Variants in ACTG2 observed in about 807,000 individuals in gnomAD.
ACTG2 encodes the protein actin, gamma-enteric smooth muscle.
In ACTG2, 16 loss-of-function variants were observed where a neutral mutation model predicts 37.6. The ratio of observed to expected loss-of-function variants is 0.43; its 90% CI spans 0.29 to 0.65. ACTG2 has a LOEUF of 0.65. Among genes scored for constraint, ACTG2 ranks in the 30% least tolerant of loss-of-function variants. The pLI is 0.18. For missense variants in ACTG2, 238 were observed against 490.9 expected (o/e 0.48, Z 4.87); for synonymous variants, 181 against 179.9 (o/e 1.01, Z -0.05).
chr2:73,894,221 C>A (rs1431017495), intron 1 of ACTG2, among the ~76,000 whole-genome samples: 1 of 152,150 alleles, frequency 6.6e-6, no homozygotes, highest in Non-Finnish European at 1.5e-5. Flanking sequence ...GAATTCCTAA[C>A]AAGCTCCCAG....
At chr2:73,904,777 G>GTA (rs199782884) in intron 3 of ACTG2, among the ~76,000 whole-genome samples, 471 of 42,540 alleles carry the variant, frequency 0.011, 7 homozygotes, top group East Asian at 0.064. Context: ...GTGTGTGTGT[G>GTA]TATATATATA....
chr2:73,894,938 T>C (rs1679710122), intron 1 of ACTG2, among the ~76,000 whole-genome samples: 1 of 152,176 alleles, frequency 6.6e-6, no homozygotes, highest in Non-Finnish European at 1.5e-5. Context: ...TTGAAGGGGC[T>C]GCTTTGGCAG....
chr2:73,914,987 C>A, intron 7 of ACTG2, 116 bp downstream of exon 7: 1 of 895,118 alleles, frequency 1.1e-6, no homozygotes, highest in South Asian at 5.0e-5. Context: ...CATACACGTA[C>A]CTCACATTTT....
Position 73,909,152 on chromosome 2 carries a change from G to A in ACTG2, c.451+13G>A. 6.2e-7 allele frequency: 1 copy of A among 1,606,392 alleles called. No individual in the cohort carries two copies. The highest frequency in any genetic ancestry group is 8.5e-7 in the Non-Finnish European group (1 of 1,172,972). The stretch of plus-strand genomic sequence containing the variant: ...GGCCGCACGACAGGTGAGTAATCCT[G>A]TAATCCATTCCTTTTCTGACTTCAG... On this transcript the variant is annotated intron_variant, in intron 5 of 8. Coordinates refer to ENST00000345517, the MANE Select transcript of ACTG2 (RefSeq NM_001615.4).
Position 73,901,622 on chromosome 2 carries a change from G to A in ACTG2, c.126+185G>A, listed in dbSNP as rs575014634. The A allele has an allele frequency of 4.8e-5, 53 of 1,105,228 alleles. 1 individual carries two copies. The African/African-American group carries it at 6.1e-4, about 13-fold the overall frequency. The allele number at this position is 1,105,228 out of a possible 1,614,324, so 68.5% of individuals were successfully genotyped here. A position where few individuals can be genotyped will look rare whatever the true frequency, so the allele number is the denominator to read the frequency against. On this transcript the variant is annotated intron_variant, in intron 2 of 8. Coordinates refer to ENST00000345517, the MANE Select transcript of ACTG2 (RefSeq NM_001615.4). ...TGTGTGTGTCTGTGCATGCACATGCGTGTGTGCACGCCAGGTGTAGGGAGT... is the reference window on the plus strand; with the variant it reads ...TGTGTGTGTCTGTGCATGCACATGCATGTGTGCACGCCAGGTGTAGGGAGT...
chr2:73,914,843 T>C lies in ACTG2; in HGVS notation c.777T>C (p.Pro259=), dbSNP rs936010213. The change falls in exon 7 of 9, where the codon CCT becomes CCC. Residue 259 remains proline, a synonymous_variant. Coordinates refer to ENST00000345517, the MANE Select transcript of ACTG2 (RefSeq NM_001615.4). ...TTGGCAATGAGCGCTTCCGCTGCCC[T>C]GAGACCCTCTTCCAGCCTTCCTTTA... ...ITIGNERFRC[P]ETLFQPSFIG... The C allele has an allele frequency of 1.3e-6, 2 of 1,595,842 alleles. No individual in the cohort carries two copies. Among genetic ancestry groups the C allele is most frequent in the Admixed American group, 3.4e-5 (2 of 58,580 alleles).
chr2:73,900,882 T>G (rs1185105490), intron 1 of ACTG2, among the ~76,000 whole-genome samples: 1 of 152,186 alleles, frequency 6.6e-6, no homozygotes, highest in Non-Finnish European at 1.5e-5. Flanking sequence ...TCTCACTGCA[T>G]CCTCCCGTGG....
intron 1 of ACTG2, among the ~76,000 whole-genome samples, chr2:73,894,647 G>A (rs542831332): frequency 6.6e-6 from 1 of 151,828 alleles, no homozygotes; most frequent in Non-Finnish European, 1.5e-5. Flanking sequence ...AGGCCAGGAG[G>A]AGCCCATCAC....
In ACTG2 at chr2:73,919,746, T is replaced by C; in HGVS notation, c.*171T>C. The C allele has an allele frequency of 1.6e-6, 1 of 634,724 alleles. No individual in the cohort carries two copies. Among genetic ancestry groups the C allele is most frequent in the Non-Finnish European group, 2.5e-6 (1 of 397,098 alleles). The allele number at this position is 634,724 out of a possible 1,614,324, so 39.3% of individuals were successfully genotyped here. The stretch of plus-strand genomic sequence containing the variant: ...TTACTTTTAATCCATGCAATAGTGC[T>C]GTAAGGTAGGTGCTATCATTATACC... On this transcript the variant is annotated 3_prime_UTR_variant, in exon 9 of 9. Transcript: ENST00000345517.
chr2:73,908,526 A>T, intron 3 of ACTG2, 147 bp from the exon 4 acceptor site: 1 of 687,850 alleles, frequency 1.5e-6, no homozygotes, highest in Non-Finnish European at 2.5e-6. Flanking sequence ...AATGTCAATC[A>T]GAAATTTCCA....
At chr2:73,916,491 G>A in intron 7 of ACTG2, 93 bp from the exon 8 acceptor site, 1 of 1,179,468 alleles carries the variant, frequency 8.5e-7, no homozygotes, top group Non-Finnish European at 1.2e-6. Flanking sequence ...AACTAGGGTA[G>A]TTGCAACAAT....
At chr2:73,903,842 C>T (rs534162550) in intron 3 of ACTG2, among the ~76,000 whole-genome samples, 34 of 144,628 alleles carry the variant, frequency 2.4e-4, no homozygotes, top group African/African-American at 8.4e-4. Flanking sequence ...CGGGAGGCTG[C>T]GGCAGGAGAA....
At position 73,895,371 on chromosome 2, in the gene ACTG2, G is replaced by T. The variant is rs148963517; in HGVS notation, c.-37+2320G>T. Among the ~76,000 whole-genome samples, 66 of 151,996 alleles carry T rather than the reference G, an allele frequency of 4.3e-4. 2 individuals carry two copies. In the East Asian group the frequency reaches 0.011, roughly 26 times the overall value. ...TTACTCAGCAGAGTTGTTTTTAATTGAACTCATGTATATATAGAACCTAGT... is the reference window on the plus strand; with the variant it reads ...TTACTCAGCAGAGTTGTTTTTAATTTAACTCATGTATATATAGAACCTAGT... On this transcript the variant is annotated intron_variant, in intron 1 of 8. Coordinates refer to ENST00000345517, the MANE Select transcript of ACTG2 (RefSeq NM_001615.4).
intron 3 of ACTG2, among the ~76,000 whole-genome samples, chr2:73,903,810 G>A (rs1356881851): frequency 6.6e-5 from 10 of 151,712 alleles, no homozygotes; most frequent in African/African-American, 4.8e-5. Flanking sequence ...CATGGTGGCG[G>A]GTGCCTGTAA....
In ACTG2 at chr2:73,913,652, C is replaced by T. The variant is rs779365353; in HGVS notation, c.613+6C>T. ...CTATTCCTTTGTGACCACAGGTATC[C>T]AGCCCCTTTTCTGATTCTGACTGGA... On this transcript the variant is annotated splice_donor_region_variant and intron_variant, in intron 6 of 8. Transcript: ENST00000345517. 2.5e-6 allele frequency: 4 copies of T among 1,604,316 alleles called. No homozygotes were observed. The South Asian group carries it at 3.3e-5, about 13-fold the overall frequency.
chr2:73,907,278 AC>A (rs1357408612), intron 3 of ACTG2, among the ~76,000 whole-genome samples: 1 of 151,970 alleles, frequency 6.6e-6, no homozygotes, highest in Non-Finnish European at 1.5e-5. Context: ...CATCACACTT[AC>A]CACCGTCTTA....
chr2:73,900,396 CAGGA>C (rs1208139802), intron 1 of ACTG2, among the ~76,000 whole-genome samples: 2 of 152,286 alleles, frequency 1.3e-5, no homozygotes, highest in South Asian at 2.1e-4. Context: ...GAAAAAGATA[CAGGA>C]AGGAAGGAAG....
chr2:73,908,413 T>A, intron 3 of ACTG2: 1 of 561,534 alleles, frequency 1.8e-6, no homozygotes. Context: ...TGTAGGAGAG[T>A]GAAGAGGAGG....
chr2:73,898,756 T>A (rs1332606324), intron 1 of ACTG2, among the ~76,000 whole-genome samples: 1 of 151,370 alleles, frequency 6.6e-6, no homozygotes, highest in African/African-American at 2.4e-5. Context: ...CAAGTCCTGC[T>A]CACAGATGCT....
Sources: gnomAD v4.1 joint callset for allele counts (sites outside exome capture counted in the v4.1 genomes callset) on GRCh38, gnomAD v4.1.1 for gene constraint, MANE v1.5 for transcripts, NCBI Gene and HGNC (gene_info 2026-07-23, HGNC 2026-07-21) for gene names.